Variants in FKBP4 observed in about 807,000 individuals in gnomAD.
FKBP4 encodes FKBP prolyl isomerase 4.
In FKBP4, 28 loss-of-function variants were observed where a neutral mutation model predicts 54.1. The observed-to-expected ratio is 0.52, with a 90% CI of 0.38 to 0.71. The LOEUF is 0.71. Among genes scored for constraint, FKBP4 ranks in the 30% least tolerant of loss-of-function variants. The pLI is 0.00. For synonymous variants in FKBP4, 223 were observed against 216.1 expected (o/e 1.03, Z -0.28); for missense variants, 493 against 574.4 (o/e 0.86, Z 1.45).
At chr12:2,802,670 A>C (rs1270483818) in intron 9 of FKBP4, among the ~76,000 whole-genome samples, 1 of 152,274 alleles carries the variant, frequency 6.6e-6, no homozygotes, top group Non-Finnish European at 1.5e-5. Flanking sequence ...AGTGCTGCTT[A>C]GAACAGCATT....
rs2097903149 is a variant in FKBP4, at chr12:2,798,633, C to T, written c.394-73C>T. ...GCCTGGCAGTTAGTAGGGACTCTCTCGGATGAGAAAGATTGTGTTTCACTG... is the reference window on the plus strand; with the variant it reads ...GCCTGGCAGTTAGTAGGGACTCTCTTGGATGAGAAAGATTGTGTTTCACTG... On this transcript the variant is annotated intron_variant, in intron 3 of 9. Transcript: ENST00000001008. This position sits in a 1 kb window ranked among gnomAD's most constrained non-coding sequence, Gnocchi z 4.3. 1.2e-5 allele frequency: 19 copies of T among 1,605,172 alleles called. No individual in the cohort carries two copies. The highest frequency in any genetic ancestry group is 1.4e-5 in the Non-Finnish European group (17 of 1,175,558).
At chr12:2,797,006 G>T in intron 1 of FKBP4, 132 bp from the exon 2 acceptor site, 1 of 1,443,712 alleles carries the variant, frequency 6.9e-7, no homozygotes. Flanking sequence ...ACTGAATCTG[G>T]AGGGACAAGT....
intron 5 of FKBP4, 96 bp downstream of exon 5, chr12:2,799,340 C>A: frequency 7.7e-7 from 1 of 1,306,968 alleles, no homozygotes; most frequent in Non-Finnish European, 1.0e-6. Context: ...TCCTTTTTAA[C>A]TCTGGCCACA....
intron 1 of FKBP4, chr12:2,796,297 G>A (rs2097901824): frequency 1.6e-6 from 2 of 1,289,072 alleles, no homozygotes; most frequent in Admixed American, 2.3e-5. Flanking sequence ...TGCTCCAGCG[G>A]CTCTCCTGTG....
intron 1 of FKBP4, chr12:2,796,254 C>G (rs570300531): frequency 9.7e-4 from 1,255 of 1,289,254 alleles, no homozygotes; most frequent in Non-Finnish European, 1.2e-3. Flanking sequence ...GTGCATCTGT[C>G]TTTGCACCAG....
At chr12:2,800,993 G>C in intron 8 of FKBP4, 124 bp from the exon 9 acceptor site, 1 of 1,299,276 alleles carries the variant, frequency 7.7e-7, no homozygotes, top group Non-Finnish European at 1.1e-6. Context: ...GTTCTTCCTG[G>C]GGTGCAGCCA....
At chr12:2,799,529 G>T (rs1603481510) in intron 5 of FKBP4, among the ~76,000 whole-genome samples, 2 of 152,180 alleles carry the variant, frequency 1.3e-5, no homozygotes, top group East Asian at 3.9e-4. Flanking sequence ...GCTACTACAT[G>T]CCAGGCACTG....
At chr12:2,801,854 C>A (rs986787943) in intron 9 of FKBP4, 12 of 280,916 alleles carry the variant, frequency 4.3e-5, no homozygotes, top group South Asian at 3.3e-4. Context: ...CTGCCTCCCC[C>A]ACCAGAAGCA....
chr12:2,798,997 ATGATGGGGG>A lies in FKBP4; in HGVS notation c.515-85_515-77del. Reference sequence around the variant, plus strand: ...TTTGAGAACACAGGAGAATCTTGGGATGATGGGGGTGATGCAGGGAGGCTGATGGCATCC... The same window carrying A: ...TTTGAGAACACAGGAGAATCTTGGGATGATGCAGGGAGGCTGATGGCATCC... On this transcript the variant is annotated intron_variant, in intron 4 of 9. Transcript: ENST00000001008. The surrounding 1 kb of genome is among the most constrained non-coding windows in gnomAD (Gnocchi z 4.3). 6.9e-7 allele frequency: 1 copy of A among 1,446,932 alleles called. No individual in the cohort carries two copies. The highest frequency in any genetic ancestry group is 1.3e-5 in the South Asian group (1 of 74,762). 89.6% of individuals were successfully genotyped at this position (1,446,932 alleles called of 1,614,324 possible).
rs1378222781 is a variant in FKBP4 at position 2,795,378 on chromosome 12, G to A, written c.105+134G>A. 4 of 229,722 alleles carry A rather than the reference G, an allele frequency of 1.7e-5. No individual in the cohort carries two copies. Among genetic ancestry groups the A allele is most frequent in the Admixed American group, 1.3e-4 (2 of 15,536 alleles). 14.2% of individuals were successfully genotyped at this position (229,722 alleles called of 1,614,324 possible). A position where few individuals can be genotyped will look rare whatever the true frequency, so the allele number is the denominator to read the frequency against. On this transcript the variant is annotated intron_variant, in intron 1 of 9. Transcript: ENST00000001008. The surrounding 1 kb of genome is among the most constrained non-coding windows in gnomAD (Gnocchi z 4.3). ...GCAGCCTCGCGGCCGTCCCGCCGGG[G>A]GCCGGTGGCATCGCCGTCCCGGACC...
chr12:2,801,055 T>C (rs2097904453), intron 8 of FKBP4, 62 bp from the exon 9 acceptor site: 2 of 1,602,598 alleles, frequency 1.2e-6, no homozygotes, highest in South Asian at 1.1e-5. Context: ...GAACCCAGTC[T>C]AGGCCAGATG....
intron 5 of FKBP4, among the ~76,000 whole-genome samples, chr12:2,799,614 G>T (rs949320766): frequency 6.6e-6 from 1 of 152,198 alleles, no homozygotes; most frequent in Non-Finnish European, 1.5e-5. Context: ...ATTGTTTAGT[G>T]AGGTGCTATT....
At chr12:2,799,289 G>C in intron 5 of FKBP4, 45 bp downstream of exon 5, 1 of 1,461,764 alleles carries the variant, frequency 6.8e-7, no homozygotes. Flanking sequence ...GGCAAACCAA[G>C]ATCAAAGATA....
chr12:2,796,464 G>T, intron 1 of FKBP4: 1 of 1,240,248 alleles, frequency 8.1e-7, no homozygotes, highest in South Asian at 1.4e-5. Flanking sequence ...TTCCCTTGGA[G>T]GGTAACCACA....
chr12:2,798,685 G>T lies in FKBP4; in HGVS notation c.394-21G>T. 12 of 1,612,810 alleles carry T rather than the reference G, an allele frequency of 7.4e-6. No individual in the cohort carries two copies. Among genetic ancestry groups the T allele is most frequent in the Non-Finnish European group, 1.0e-5 (12 of 1,179,906 alleles). On this transcript the variant is annotated intron_variant, in intron 3 of 9. Coordinates refer to ENST00000001008, the MANE Select transcript of FKBP4 (RefSeq NM_002014.4). The surrounding 1 kb of genome is among the most constrained non-coding windows in gnomAD (Gnocchi z 4.3). ...CCATGAGTTAGCATGGGAAGGAATT[G>T]TGTCACATCTTGTCCCACAGGTGGA...
chr12:2,802,338 A>G (rs759088532), intron 9 of FKBP4, among the ~76,000 whole-genome samples: 22 of 151,920 alleles, frequency 1.4e-4, no homozygotes, highest in Non-Finnish European at 2.5e-4. Flanking sequence ...AAGTTTCATC[A>G]TGTTGACCAG....
At chr12:2,797,102 A>G (rs1410340256) in intron 1 of FKBP4, 36 bp from the exon 2 acceptor site, 1 of 1,610,724 alleles carries the variant, frequency 6.2e-7, no homozygotes, top group Non-Finnish European at 8.5e-7. Flanking sequence ...TCTGCCCCAA[A>G]CCCTGGGGTA....
chr12:2,797,869 G>C lies in FKBP4; in HGVS notation c.391G>C (p.Glu131Gln). 9 of 1,612,940 alleles carry C rather than the reference G, an allele frequency of 5.6e-6. No homozygotes were observed. The highest frequency in any genetic ancestry group is 7.6e-6 in the Non-Finnish European group (9 of 1,179,192). Reference sequence around the variant, plus strand: ...TCCCCCCAATGCCACGCTTGTATTTGAGGTGAGTGTTTGGTCACTGAGATC... The same window carrying C: ...TCCCCCCAATGCCACGCTTGTATTTCAGGTGAGTGTTTGGTCACTGAGATC... The part of the protein sequence containing the change: ...KIPPNATLVF[E>Q]VELFEFKGED... The change falls in exon 3 of 10, where the codon GAG (glutamate) becomes CAG (glutamine). Residue 131 changes from glutamate (E) to glutamine (Q), a missense_variant and splice_region_variant. Coordinates refer to ENST00000001008, the MANE Select transcript of FKBP4 (RefSeq NM_002014.4).
intron 1 of FKBP4, chr12:2,796,053 G>C: frequency 8.5e-7 from 1 of 1,179,422 alleles, no homozygotes; most frequent in Non-Finnish European, 1.1e-6. Flanking sequence ...GCTGCGGGGA[G>C]GGCATCTTGA....
Sources: gnomAD v4.1 joint callset for allele counts (sites outside exome capture counted in the v4.1 genomes callset) on GRCh38, gnomAD v4.1.1 for gene constraint, Gnocchi (gnomAD v3.1) non-coding constraint, MANE v1.5 for transcripts, NCBI Gene and HGNC (gene_info 2026-07-23, HGNC 2026-07-21) for gene names.